MARCHF3: variants seen among roughly 807,000 people sequenced by gnomAD.
MARCHF3 encodes the protein E3 ubiquitin-protein ligase MARCHF3.
Under a neutral mutation model 24.2 loss-of-function variants are expected in MARCHF3, and 13 were observed. The observed-to-expected ratio is 0.54, with a 90% confidence interval of 0.35 to 0.85. The LOEUF is 0.85. Among genes scored for constraint, MARCHF3 ranks in the 40% least tolerant of loss-of-function variants. The pLI is 0.01. For missense variants in MARCHF3, 276 were observed against 325.0 expected (o/e 0.85, Z 1.16); for synonymous variants, 144 against 137.3 (o/e 1.05, Z -0.34).
intron 1 of MARCHF3, among the ~76,000 whole-genome samples, chr5:126,985,786 A>AT (rs1047607290): frequency 6.6e-6 from 1 of 152,064 alleles, no homozygotes; most frequent in African/African-American, 2.4e-5. Flanking sequence ...ACCTGGATGA[A>AT]TTTTTAGAGG....
At chr5:126,981,895 G>C (rs1039139942) in intron 1 of MARCHF3, among the ~76,000 whole-genome samples, 4 of 152,110 alleles carry the variant, frequency 2.6e-5, no homozygotes, top group Non-Finnish European at 2.9e-5. Flanking sequence ...TGACTACTAT[G>C]GTATTTAGAA....
intron 1 of MARCHF3, among the ~76,000 whole-genome samples, chr5:126,956,540 G>A (rs893862856): frequency 6.6e-6 from 1 of 150,532 alleles, no homozygotes; most frequent in Non-Finnish European, 1.5e-5. Context: ...AGCTACTTGG[G>A]AGGCTGAGGC....
chr5:126,933,353 T>A (rs1038852779), intron 1 of MARCHF3, among the ~76,000 whole-genome samples: 1 of 152,140 alleles, frequency 6.6e-6, no homozygotes, highest in African/African-American at 2.4e-5. Flanking sequence ...GTTCATAAAC[T>A]GGACTCATTT....
chr5:126,910,031 T>C (rs865799406), intron 3 of MARCHF3, among the ~76,000 whole-genome samples: 3 of 152,228 alleles, frequency 2.0e-5, no homozygotes, highest in Admixed American at 6.5e-5. Flanking sequence ...ACAGTTCTTA[T>C]CAATCAGCTG....
chr5:126,975,042 C>T (rs1310797142), intron 1 of MARCHF3, among the ~76,000 whole-genome samples: 1 of 152,160 alleles, frequency 6.6e-6, no homozygotes, highest in Non-Finnish European at 1.5e-5. Context: ...CTGCAACCTC[C>T]GCCTCCCAGG....
intron 3 of MARCHF3, among the ~76,000 whole-genome samples, chr5:126,901,516 C>A (rs1203587813): frequency 6.6e-6 from 1 of 152,128 alleles, no homozygotes; most frequent in Non-Finnish European, 1.5e-5. Flanking sequence ...TCTCTGCTCA[C>A]TCGTTTACAA....
intron 3 of MARCHF3, among the ~76,000 whole-genome samples, chr5:126,883,192 C>T (rs531415887): frequency 2.6e-5 from 4 of 152,244 alleles, no homozygotes; most frequent in South Asian, 2.1e-4. Context: ...TAGTCTTCAG[C>T]GTATACTTGG....
intron 1 of MARCHF3, among the ~76,000 whole-genome samples, chr5:126,926,406 C>T (rs1749298249): frequency 6.6e-6 from 1 of 152,170 alleles, no homozygotes; most frequent in Non-Finnish European, 1.5e-5. Flanking sequence ...GGCTGCATTA[C>T]TTTGCATTTA....
At chr5:126,950,482 G>A (rs1267236186) in intron 1 of MARCHF3, among the ~76,000 whole-genome samples, 1 of 152,108 alleles carries the variant, frequency 6.6e-6, no homozygotes, top group Non-Finnish European at 1.5e-5. Flanking sequence ...AGAATCCACA[G>A]AGAACTTCCA....
In MARCHF3 at chr5:126,972,968, A is replaced by G. The variant is rs2240530; in HGVS notation, c.-56-54741T>C. On this transcript the variant is annotated intron_variant, in intron 1 of 4. Coordinates refer to ENST00000308660, the MANE Select transcript of MARCHF3 (RefSeq NM_178450.5). ...TGCTAATGTCTCTATATCACATGAT[A>G]TATCAGTTTAAAATATTCTTTCTCT... is the stretch of plus-strand genomic sequence containing the variant. 8.9e-3 allele frequency among the ~76,000 whole-genome samples: 1,361 copies of G among 152,358 alleles called. 19 individuals carry two copies. Among genetic ancestry groups the G allele is most frequent in the East Asian group, 0.026 (137 of 5,192 alleles).
At chr5:126,952,601 TC>T (rs1750292741) in intron 1 of MARCHF3, among the ~76,000 whole-genome samples, 1 of 152,158 alleles carries the variant, frequency 6.6e-6, no homozygotes. Flanking sequence ...TTCCCTCCTT[TC>T]CCCACGTTTT....
intron 1 of MARCHF3, among the ~76,000 whole-genome samples, chr5:126,980,344 C>T (rs1191759599): frequency 6.6e-6 from 1 of 151,706 alleles, no homozygotes; most frequent in Non-Finnish European, 1.5e-5. Flanking sequence ...TATGTAGAAT[C>T]TCTTGAGTTT....
chr5:126,880,374 C>A (rs138934888), intron 3 of MARCHF3, among the ~76,000 whole-genome samples: 1 of 152,036 alleles, frequency 6.6e-6, no homozygotes, highest in Non-Finnish European at 1.5e-5. Context: ...GACTTGTCTG[C>A]GAATTTAAAT....
At chr5:126,913,764 A>T (rs560850707) in intron 3 of MARCHF3, among the ~76,000 whole-genome samples, 156 of 152,312 alleles carry the variant, frequency 1.0e-3, no homozygotes, top group Non-Finnish European at 1.9e-3. Flanking sequence ...GCTCTCTAGC[A>T]TCTTAAGCCT....
At chr5:126,896,787 G>C (rs1310156009) in intron 3 of MARCHF3, among the ~76,000 whole-genome samples, 2 of 152,004 alleles carry the variant, frequency 1.3e-5, no homozygotes, top group Non-Finnish European at 1.5e-5. Flanking sequence ...AAAAATCTCT[G>C]TTTTATAGTT....
At chr5:126,966,529 G>T (rs981830751) in intron 1 of MARCHF3, among the ~76,000 whole-genome samples, 3 of 151,920 alleles carry the variant, frequency 2.0e-5, no homozygotes, top group African/African-American at 7.3e-5. Flanking sequence ...GTTTATAAAT[G>T]TCAAGTGGAA....
chr5:127,019,633 C>T (rs1205763474), intron 1 of MARCHF3, among the ~76,000 whole-genome samples: 1 of 152,136 alleles, frequency 6.6e-6, no homozygotes, highest in Non-Finnish European at 1.5e-5. Flanking sequence ...AGAAAATAAC[C>T]AGTCTTAGAT....
intron 1 of MARCHF3, among the ~76,000 whole-genome samples, chr5:126,962,222 A>G (rs1013149090): frequency 6.6e-6 from 1 of 151,920 alleles, no homozygotes; most frequent in Non-Finnish European, 1.5e-5. Context: ...CTATATATCT[A>G]TATCTATATA....
intron 3 of MARCHF3, among the ~76,000 whole-genome samples, chr5:126,896,512 G>C (rs1162758139): frequency 6.6e-6 from 1 of 152,114 alleles, no homozygotes; most frequent in Non-Finnish European, 1.5e-5. Context: ...GAGTGATCCT[G>C]AGACATGCAA....
Sources: gnomAD v4.1 joint callset for allele counts (sites outside exome capture counted in the v4.1 genomes callset) on GRCh38, gnomAD v4.1.1 for gene constraint, MANE v1.5 for transcripts, NCBI Gene and HGNC (gene_info 2026-07-23, HGNC 2026-07-21) for gene names.